Variants in KLHL21 observed in about 807,000 individuals in gnomAD.
KLHL21 encodes the protein kelch like family member 21.
KLHL21 carries 42 observed loss-of-function variants against 44.1 expected under a neutral mutation model. The ratio of observed to expected loss-of-function variants is 0.95; its 90% CI spans 0.74 to 1.23. KLHL21 has a LOEUF of 1.23. KLHL21 is among the 50% of genes most tolerant of loss of function. The pLI, the probability that KLHL21 is intolerant of heterozygous loss-of-function variation, is 0.00. For synonymous variants in KLHL21, 524 were observed against 411.6 expected (o/e 1.27, Z -3.31); for missense variants, 918 against 889.1 (o/e 1.03, Z -0.41).
At chr1:6,599,933 T>TA (rs1640991066) in intron 1 of KLHL21, 1 of 157,538 alleles carries the variant, frequency 6.3e-6, no homozygotes. Context: ...GACCTAACGC[T>TA]ACACTGCGAG....
rs530864532 is a variant in KLHL21, at chr1:6,593,054, C to T, written c.*311G>A. ...GGGAACAAGTAGGTGCAGATGACAA[C>T]GGCAGGAGGGGTGTGCGCCGCGTGG... On this transcript the variant is annotated 3_prime_UTR_variant, in exon 4 of 4. Transcript: ENST00000377658. The T allele has an allele frequency of 5.7e-5, 21 of 369,988 alleles. No homozygotes were observed. The highest frequency in any genetic ancestry group is 2.0e-4 in the South Asian group (3 of 14,934). 22.9% of individuals were successfully genotyped at this position (369,988 alleles called of 1,614,324 possible).
Position 6,599,240 on chromosome 1 carries a change from T to C in KLHL21, c.1234A>G (p.Met412Val). 2 of 1,614,012 alleles carry C rather than the reference T, an allele frequency of 1.2e-6. No homozygotes were observed. The highest frequency in any genetic ancestry group is 1.7e-5 in the Admixed American group (1 of 60,012). Reference protein sequence around the residue: ...WEALQPMTYPMDNCSTTACRG... With the variant: ...WEALQPMTYPVDNCSTTACRG... ...CACGCAGTGGTGGAGCAGTTGTCCA[T>C]GGGGTAGGTCATGGGCTGCAGGGCC... Residue 412 changes from methionine (M) to valine (V), a missense_variant, in exon 2 of 4, where the codon ATG (methionine) becomes GTG (valine). Physicochemically the swap from Met to Val is conservative, Grantham distance 21 (BLOSUM62 1). Transcript: ENST00000377658.
At position 6,602,729 on chromosome 1, in the gene KLHL21, G is replaced by A. The variant is rs777477738; in HGVS notation, c.89C>T (p.Ala30Val). The A allele has an allele frequency of 7.9e-6, 12 of 1,512,078 alleles. No homozygotes were observed. In the South Asian group the frequency reaches 9.8e-5, roughly 12 times the overall value. The allele number at this position is 1,512,078 out of a possible 1,614,324, so 93.7% of individuals were successfully genotyped here. Residue 30 changes from alanine (A) to valine (V), a missense_variant, in exon 1 of 4, where the codon GCC becomes GTC. By Grantham distance (64) the Ala-to-Val change is moderately conservative. Coordinates refer to ENST00000377658, the MANE Select transcript of KLHL21 (RefSeq NM_014851.4). ...GGTCACGTCCAGGAACTTGCGCTCG[G>A]CGCGCAGCTGGCTCAGGCCGCGCAG... ...SLLRGLSQLR[A>V]ERKFLDVTLE... is the part of the protein sequence containing the mutation.
intron 1 of KLHL21, 47 bp downstream of exon 1, chr1:6,601,750 G>A: frequency 1.3e-6 from 2 of 1,487,972 alleles, no homozygotes; most frequent in Non-Finnish European, 1.8e-6. Flanking sequence ...CTCCCGTACC[G>A]GCGAGGTTCA....
At chr1:6,601,695 C>T in intron 1 of KLHL21, 102 bp downstream of exon 1, 2 of 1,444,792 alleles carry the variant, frequency 1.4e-6, no homozygotes, top group South Asian at 1.4e-5. Flanking sequence ...TCAGGTGCGC[C>T]CCTAGGATTC....
chr1:6,590,785 T>A lies in KLHL21; in HGVS notation c.*2580A>T, dbSNP rs1640835805. On this transcript the variant is annotated 3_prime_UTR_variant, in exon 4 of 4. Transcript: ENST00000377658. The stretch of plus-strand genomic sequence containing the variant: ...GGTACCCTAAAACCTTAAGCAGGAT[T>A]CTGGACATGGAAGCCTACAGAATAG... 2.5e-6 allele frequency: 1 copy of A among 396,354 alleles called. No homozygotes were observed. The highest frequency in any genetic ancestry group is 4.4e-6 in the Non-Finnish European group (1 of 225,138). The allele number at this position is 396,354 out of a possible 1,614,324, so 24.6% of individuals were successfully genotyped here. A position where few individuals can be genotyped will look rare whatever the true frequency, so the allele number is the denominator to read the frequency against.
intron 3 of KLHL21, chr1:6,593,923 A>C (rs2148700807): frequency 3.2e-6 from 4 of 1,263,262 alleles, no homozygotes; most frequent in African/African-American, 1.5e-5. Flanking sequence ...CGTGCCGAGC[A>C]GCGCTTCCTA....
Position 6,595,521 on chromosome 1 carries a change from C to A in KLHL21, c.1464G>T (p.Thr488=). The A allele has an allele frequency of 6.2e-7, 1 of 1,614,166 alleles. No homozygotes were observed. ...DSAEVDVYNP[T]RNEWDKIPSM... is the part of the protein sequence containing the mutation. The stretch of plus-strand genomic sequence containing the variant: ...ACGGGATCTTGTCCCATTCGTTCCT[C>A]GTCGGGTTGTACACGTCCACCTCAG... The change falls in exon 3 of 4, where the codon ACG becomes ACT. Residue 488 remains threonine (T), a synonymous_variant. Transcript: ENST00000377658.
At position 6,602,363 on chromosome 1, in the gene KLHL21, C is replaced by T. The variant is rs745511675; in HGVS notation, c.455G>A (p.Gly152Glu). The T allele has an allele frequency of 1.3e-6, 2 of 1,578,076 alleles. No individual in the cohort carries two copies. Among genetic ancestry groups the T allele is most frequent in the African/African-American group, 2.7e-5 (2 of 73,974 alleles). ...QDFAEAFSCS[G>E]LASAAQRFIL... The stretch of plus-strand genomic sequence containing the variant: ...GAACCGCTGCGCCGCGCTCGCCAGT[C>T]CCGAGCAGCTGAAGGCCTCAGCGAA... Residue 152 changes from glycine (G) to glutamate (E), a missense_variant, in exon 1 of 4, where the codon GGA becomes GAA. Coordinates refer to ENST00000377658, the MANE Select transcript of KLHL21 (RefSeq NM_014851.4).
Position 6,599,414 on chromosome 1 carries a change from T to C in KLHL21, c.1060A>G (p.Arg354Gly). ...CACTCATTCACGCTTGAGTTGTACC[T>C]CCACACGCAGTCATAGAGCCGGGAG... ...DGSRLYDCVW[R>G]YNSSVNEWAE... Residue 354 changes from arginine to glycine, a missense_variant, in exon 2 of 4, where the codon AGG (arginine) becomes GGG (glycine). Arg to Gly is a moderately radical substitution (Grantham distance 125). Coordinates refer to ENST00000377658, the MANE Select transcript of KLHL21 (RefSeq NM_014851.4). 6.2e-7 allele frequency: 1 copy of C among 1,612,542 alleles called. No homozygotes were observed. Among genetic ancestry groups the C allele is most frequent in the African/African-American group, 1.3e-5 (1 of 74,938 alleles).
rs779985121 is a variant in KLHL21 at position 6,601,915 on chromosome 1, C to A, written c.903G>T (p.Leu301=). 3 of 1,562,930 alleles carry A rather than the reference C, an allele frequency of 1.9e-6. No individual in the cohort carries two copies. The highest frequency in any genetic ancestry group is 2.6e-6 in the Non-Finnish European group (3 of 1,154,426). Residue 301 remains leucine, a synonymous_variant, in exon 1 of 4, where the codon CTG becomes CTT. Transcript: ENST00000377658. ...VGGCDQDCDE[L]VTVDCYNPQT... ...GCGGGTTGTAGCAGTCGACAGTGAC[C>A]AGCTCGTCACAGTCCTGGTCGCAGC...
chr1:6,600,840 C>A (rs2148703816), intron 1 of KLHL21, among the ~76,000 whole-genome samples: 1 of 152,352 alleles, frequency 6.6e-6, no homozygotes, highest in South Asian at 2.1e-4. Context: ...TCTGGCAGAA[C>A]CCAGCAGAGG....
At chr1:6,597,841 C>A (rs1640948023) in intron 2 of KLHL21, among the ~76,000 whole-genome samples, 1 of 152,226 alleles carries the variant, frequency 6.6e-6, no homozygotes, top group African/African-American at 2.4e-5. Context: ...AGGCTCTAGG[C>A]TGGGAGGGAG....
At chr1:6,600,870 C>A (rs1641006674) in intron 1 of KLHL21, among the ~76,000 whole-genome samples, 1 of 152,210 alleles carries the variant, frequency 6.6e-6, no homozygotes, top group Non-Finnish European at 1.5e-5. Context: ...GAGCAGCAGG[C>A]TAAGGAAGCT....
At position 6,593,341 on chromosome 1, in the gene KLHL21, G is replaced by C. The variant is rs760500033; in HGVS notation, c.*24C>G. Reference sequence around the variant, plus strand: ...CAGAGGTGCCAGTTACCTGCACCGAGGCCCGTGCCGGGCCAGACTGGGGCT... The same window carrying C: ...CAGAGGTGCCAGTTACCTGCACCGACGCCCGTGCCGGGCCAGACTGGGGCT... On this transcript the variant is annotated 3_prime_UTR_variant, in exon 4 of 4. Transcript: ENST00000377658. 2 of 1,548,328 alleles carry C rather than the reference G, an allele frequency of 1.3e-6. No individual in the cohort carries two copies. The highest frequency in any genetic ancestry group is 2.3e-5 in the East Asian group (1 of 44,232).
At position 6,591,272 on chromosome 1, in the gene KLHL21, GAC is replaced by G. The variant is rs1212557318; in HGVS notation, c.*2091_*2092del. 2 of 345,800 alleles carry G rather than the reference GAC, an allele frequency of 5.8e-6. No homozygotes were observed. Among genetic ancestry groups the G allele is most frequent in the Non-Finnish European group, 1.0e-5 (2 of 192,860 alleles). The allele number at this position is 345,800 out of a possible 1,614,324, so 21.4% of individuals were successfully genotyped here. ...GAGACCTGGGTAGGTCCGGAGGACA[GAC>G]ACAGGAGAGGGCACAATCCCAAGCG... is the stretch of plus-strand genomic sequence containing the variant. On this transcript the variant is annotated 3_prime_UTR_variant, in exon 4 of 4. Coordinates refer to ENST00000377658, the MANE Select transcript of KLHL21 (RefSeq NM_014851.4).
intron 3 of KLHL21, chr1:6,594,916 T>C (rs898717097): frequency 2.5e-5 from 4 of 158,596 alleles, no homozygotes; most frequent in African/African-American, 9.6e-5. Context: ...AAAAAATTAC[T>C]GGGTGTGGTG....
At chr1:6,594,346 C>A (rs1393555283) in intron 3 of KLHL21, 1 of 152,468 alleles carries the variant, frequency 6.6e-6, no homozygotes, top group African/African-American at 2.4e-5. Context: ...TCAACAAGCC[C>A]AGAGAGAAGG....
chr1:6,602,526 G>C lies in KLHL21; in HGVS notation c.292C>G (p.Arg98Gly). The change falls in exon 1 of 4, where the codon CGC becomes GGC. Residue 98 changes from arginine (R) to glycine (G), a missense_variant. Arg to Gly is a moderately radical substitution (Grantham distance 125). Coordinates refer to ENST00000377658, the MANE Select transcript of KLHL21 (RefSeq NM_014851.4). The part of the protein sequence containing the change: ...QLLLDFSYTG[R>G]VAVSGDNAEP... ...GCGTTGTCGCCGCTTACCGCCACGCGGCCCGTGTAGCTGAAGTCCAGCAGC... is the reference window on the plus strand; with the variant it reads ...GCGTTGTCGCCGCTTACCGCCACGCCGCCCGTGTAGCTGAAGTCCAGCAGC... 1 of 1,540,932 alleles carries C rather than the reference G, an allele frequency of 6.5e-7. No homozygotes were observed. The highest frequency in any genetic ancestry group is 8.7e-7 in the Non-Finnish European group (1 of 1,148,966).
Sources: gnomAD v4.1 joint callset for allele counts (sites outside exome capture counted in the v4.1 genomes callset) on GRCh38, gnomAD v4.1.1 for gene constraint, MANE v1.5 for transcripts, NCBI Gene and HGNC (gene_info 2026-07-23, HGNC 2026-07-21) for gene names.